Variants in CNTN4 observed in about 807,000 individuals in gnomAD.
The protein encoded by CNTN4 is contactin 4, also known as contactin-4.
A neutral mutation model predicts 122.5 loss-of-function variants in CNTN4; 77 were observed. The ratio of observed to expected loss-of-function variants is 0.63; its 90% CI spans 0.52 to 0.76. CNTN4 has a LOEUF of 0.76. Ranked by LOEUF, CNTN4 falls within the 30% of genes least tolerant of loss-of-function variation. The pLI, the probability that CNTN4 is intolerant of heterozygous loss-of-function variation, is 0.00. For synonymous variants in CNTN4, 512 were observed against 447.0 expected (o/e 1.15, Z -1.83); for missense variants, 1,256 against 1,259.1 (o/e 1.00, Z 0.04).
intron 3 of CNTN4, among the ~76,000 whole-genome samples, chr3:2,450,049 C>T (rs1437884668): frequency 6.6e-6 from 1 of 152,080 alleles, no homozygotes; most frequent in Non-Finnish European, 1.5e-5. Flanking sequence ...GTTAACAGTA[C>T]TGTATTGTCA....
intron 2 of CNTN4, among the ~76,000 whole-genome samples, chr3:2,182,822 C>G (rs1199744174): frequency 1.3e-5 from 2 of 151,276 alleles, no homozygotes; most frequent in Non-Finnish European, 2.9e-5. Context: ...GCCACCAACT[C>G]AGCACAGGTT....
chr3:2,169,896 A>G (rs1295235666), intron 2 of CNTN4, among the ~76,000 whole-genome samples: 1 of 152,234 alleles, frequency 6.6e-6, no homozygotes, highest in African/African-American at 2.4e-5. Flanking sequence ...GACAAATATT[A>G]CTATTTTCAG....
chr3:2,153,482 T>C (rs929805940), intron 2 of CNTN4, among the ~76,000 whole-genome samples: 9 of 151,820 alleles, frequency 5.9e-5, no homozygotes, highest in Non-Finnish European at 5.9e-5. Flanking sequence ...TTTATGGGAG[T>C]GTTGGAGGTG....
intron 4 of CNTN4, among the ~76,000 whole-genome samples, chr3:2,657,554 A>G (rs1423817883): frequency 1.6e-4 from 24 of 152,184 alleles, no homozygotes; most frequent in Admixed American, 1.6e-3. Flanking sequence ...TGAAAACAAG[A>G]TGGGACTACA....
At chr3:2,800,915 C>T (rs940124042) in intron 6 of CNTN4, among the ~76,000 whole-genome samples, 7 of 152,272 alleles carry the variant, frequency 4.6e-5, no homozygotes, top group East Asian at 1.9e-4. Context: ...TCTACTCAAA[C>T]GCACCTACTT....
chr3:2,961,478 A>T (rs568124821), intron 13 of CNTN4, among the ~76,000 whole-genome samples: 9 of 152,224 alleles, frequency 5.9e-5, no homozygotes, highest in Admixed American at 4.6e-4. Context: ...TTTTTCAGCA[A>T]CTGTTGAAAA....
At chr3:2,445,382 C>T (rs1390295353) in intron 3 of CNTN4, among the ~76,000 whole-genome samples, 2 of 95,810 alleles carry the variant, frequency 2.1e-5, no homozygotes, top group African/African-American at 4.2e-5. Flanking sequence ...AGAAAGGTGA[C>T]AGCTATTTTT....
chr3:2,125,562 CTTT>C (rs201659840), intron 2 of CNTN4, among the ~76,000 whole-genome samples: 6 of 123,990 alleles, frequency 4.8e-5, no homozygotes, highest in Non-Finnish European at 6.7e-5. Context: ...TTTTCTTTTT[CTTT>C]TTTTTTTTTT....
intron 3 of CNTN4, among the ~76,000 whole-genome samples, chr3:2,494,956 G>C (rs1321681636): frequency 6.6e-6 from 1 of 152,016 alleles, no homozygotes; most frequent in South Asian, 2.1e-4. Context: ...AATTTCTTGA[G>C]GTATTATGAA....
intron 3 of CNTN4, among the ~76,000 whole-genome samples, chr3:2,356,111 C>G (rs1273168005): frequency 6.6e-6 from 1 of 152,068 alleles, no homozygotes; most frequent in Non-Finnish European, 1.5e-5. Flanking sequence ...TCATTTCTAG[C>G]TATTGGTGGG....
intron 4 of CNTN4, among the ~76,000 whole-genome samples, chr3:2,697,932 C>T (rs931275301): frequency 2.0e-5 from 3 of 152,082 alleles, no homozygotes; most frequent in African/African-American, 7.2e-5. Flanking sequence ...CCACAGGTTC[C>T]AGGGCAATTT....
chr3:2,666,778 G>T (rs775064476), intron 4 of CNTN4, among the ~76,000 whole-genome samples: 2 of 126,300 alleles, frequency 1.6e-5, no homozygotes, highest in Non-Finnish European at 3.1e-5. Context: ...AGTGTGTGAT[G>T]TTCCCTTTCC....
At chr3:2,965,993 T>G (rs1692267795) in intron 13 of CNTN4, among the ~76,000 whole-genome samples, 1 of 152,108 alleles carries the variant, frequency 6.6e-6, no homozygotes, top group Non-Finnish European at 1.5e-5. Context: ...TGTCTCATAT[T>G]TATTGGTGGT....
intron 7 of CNTN4, 129 bp from the exon 8 acceptor site, chr3:2,866,623 A>G: frequency 8.7e-7 from 1 of 1,152,590 alleles, no homozygotes; most frequent in East Asian, 2.5e-5. Flanking sequence ...TCCTATCTGT[A>G]TTTAGTGGGC....
intron 8 of CNTN4, among the ~76,000 whole-genome samples, chr3:2,868,476 T>C (rs2093748969): frequency 1.3e-5 from 2 of 152,200 alleles, no homozygotes; most frequent in African/African-American, 2.4e-5. Context: ...TTTGTTACTC[T>C]TTCCCTGTGT....
intron 14 of CNTN4, 26 bp from the exon 15 acceptor site, chr3:3,026,076 T>C: frequency 1.9e-6 from 3 of 1,601,400 alleles, no homozygotes; most frequent in African/African-American, 1.3e-5. Flanking sequence ...GTTGTTGTTA[T>C]TGTTTGTTTT....
chr3:2,900,478 T>A (rs567974841), intron 10 of CNTN4, among the ~76,000 whole-genome samples: 1 of 152,306 alleles, frequency 6.6e-6, no homozygotes, highest in South Asian at 2.1e-4. Context: ...CATTTAGCGA[T>A]TAAAAGACTA....
chr3:2,640,343 A>AT (rs1402916504), intron 4 of CNTN4, among the ~76,000 whole-genome samples: 30 of 152,296 alleles, frequency 2.0e-4, no homozygotes, highest in African/African-American at 7.2e-4. Flanking sequence ...TTATTCAGAG[A>AT]TTTTGTAAGG....
intron 4 of CNTN4, among the ~76,000 whole-genome samples, chr3:2,669,449 A>G (rs1251630706): frequency 1.3e-5 from 2 of 151,958 alleles, no homozygotes; most frequent in Non-Finnish European, 2.9e-5. Context: ...CCCCTTTGTC[A>G]TTTTTTATTG....
Sources: gnomAD v4.1 joint callset for allele counts (sites outside exome capture counted in the v4.1 genomes callset) on GRCh38, gnomAD v4.1.1 for gene constraint, MANE v1.5 for transcripts, NCBI Gene and HGNC (gene_info 2026-07-23, HGNC 2026-07-21) for gene names.